The following RSU1 variants were observed in gnomAD, a reference collection of about 807,000 sequenced individuals.
RSU1 encodes the protein rsu-1.
A neutral mutation model predicts 31.1 loss-of-function variants in RSU1; 26 were observed. The observed-to-expected ratio is 0.84, with a 90% confidence interval of 0.61 to 1.16. RSU1 has a LOEUF of 1.16. Among genes scored for constraint, RSU1 ranks in the 50% most tolerant of loss-of-function variants. The pLI is 0.00. For missense variants in RSU1, 320 were observed against 339.1 expected, an observed-to-expected ratio of 0.94 and a Z score of 0.44; for synonymous variants, 164 against 136.3, an observed-to-expected ratio of 1.20 and a Z score of -1.41.
chr10:16,735,402 G>T lies in RSU1; in HGVS notation c.598+17137C>A, dbSNP rs571751068. ...ATAACCTCTGGCGGTTGTGTAAATG[G>T]GTAAGAAAAGAGCAGAAAAATAATT... On this transcript the variant is annotated intron_variant, in intron 7 of 8. Coordinates refer to ENST00000345264, the MANE Select transcript of RSU1 (RefSeq NM_012425.4). 4.6e-5 allele frequency among the ~76,000 whole-genome samples: 7 copies of T among 152,226 alleles called. No individual in the cohort carries two copies. In the South Asian group the frequency reaches 1.0e-3, roughly 23 times the overall value.
intron 7 of RSU1, among the ~76,000 whole-genome samples, chr10:16,746,895 A>C (rs1289864755): frequency 6.6e-6 from 1 of 152,148 alleles, no homozygotes; most frequent in African/African-American, 2.4e-5. Context: ...ATACTGGGCA[A>C]AAAGAGACTT....
intron 8 of RSU1, among the ~76,000 whole-genome samples, chr10:16,657,935 A>G (rs1834818621): frequency 6.6e-6 from 1 of 152,170 alleles, no homozygotes; most frequent in African/African-American, 2.4e-5. Flanking sequence ...GGTTGCAGTG[A>G]GCCAAGATCA....
At chr10:16,688,824 G>A (rs1395732214) in intron 8 of RSU1, among the ~76,000 whole-genome samples, 1 of 151,866 alleles carries the variant, frequency 6.6e-6, no homozygotes, top group Admixed American at 6.6e-5. Flanking sequence ...AACATAGCAA[G>A]ACCCCCAGTC....
intron 2 of RSU1, among the ~76,000 whole-genome samples, chr10:16,792,443 A>G (rs1343074522): frequency 6.6e-6 from 1 of 152,116 alleles, no homozygotes; most frequent in African/African-American, 2.4e-5. Flanking sequence ...ACGTCGGCCA[A>G]GCTGGTCTCG....
chr10:16,811,435 T>C (rs1838406787), intron 2 of RSU1, among the ~76,000 whole-genome samples: 1 of 152,190 alleles, frequency 6.6e-6, no homozygotes, highest in Non-Finnish European at 1.5e-5. Context: ...AATGACCCTA[T>C]GAGGTGCTCT....
intron 7 of RSU1, among the ~76,000 whole-genome samples, chr10:16,752,268 C>T (rs1191362132): frequency 6.6e-6 from 1 of 152,130 alleles, no homozygotes; most frequent in Non-Finnish European, 1.5e-5. Flanking sequence ...CATGCTTTTC[C>T]CACTACATCA....
Position 16,783,528 on chromosome 10 carries a change from G to A in RSU1, c.110-1444C>T, listed in dbSNP as rs553159283. Among the ~76,000 whole-genome samples the A allele has an allele frequency of 3.9e-5, 6 of 151,992 alleles. No individual in the cohort carries two copies. The East Asian group carries it at 7.8e-4, about 20-fold the overall frequency. The stretch of plus-strand genomic sequence containing the variant: ...GTGCCACCACGCCCAGCTAATTTGT[G>A]TATTTTTAGTACAGATGGGGTTTCA... On this transcript the variant is annotated intron_variant, in intron 2 of 8. Transcript: ENST00000345264.
At chr10:16,774,471 G>A (rs945242049) in intron 3 of RSU1, among the ~76,000 whole-genome samples, 4 of 152,182 alleles carry the variant, frequency 2.6e-5, no homozygotes, top group African/African-American at 9.6e-5. Context: ...TAGGGAGGCT[G>A]AGGCAGAAGA....
At chr10:16,706,657 T>C (rs1835910258) in intron 7 of RSU1, among the ~76,000 whole-genome samples, 1 of 152,214 alleles carries the variant, frequency 6.6e-6, no homozygotes, top group Admixed American at 6.5e-5. Flanking sequence ...TTGATACCTA[T>C]CTATGCTATA....
intron 2 of RSU1, among the ~76,000 whole-genome samples, chr10:16,807,851 G>A (rs565605784): frequency 4.6e-5 from 7 of 152,014 alleles, no homozygotes; most frequent in East Asian, 3.9e-4. Flanking sequence ...GTGAAATCCC[G>A]TCTCTACGAA....
intron 2 of RSU1, among the ~76,000 whole-genome samples, chr10:16,791,247 G>A (rs547415059): frequency 5.3e-5 from 8 of 152,122 alleles, no homozygotes; most frequent in African/African-American, 1.7e-4. Flanking sequence ...GGCTGGTCTC[G>A]AACTCCTGAC....
chr10:16,678,194 C>T lies in RSU1; in HGVS notation c.731+16829G>A, dbSNP rs2131545687. 1.3e-5 allele frequency among the ~76,000 whole-genome samples: 2 copies of T among 152,276 alleles called. 1 individual carries two copies. On this transcript the variant is annotated intron_variant, in intron 8 of 8. Coordinates refer to ENST00000345264, the MANE Select transcript of RSU1 (RefSeq NM_012425.4). ...ACAAAACAAACCCAACGTAGAAATC[C>T]ATTTTCTTGCTTTTTCTTTATTCTT... is the stretch of plus-strand genomic sequence containing the variant.
intron 2 of RSU1, among the ~76,000 whole-genome samples, chr10:16,785,950 C>T (rs370398858): frequency 1.3e-5 from 2 of 152,120 alleles, no homozygotes; most frequent in East Asian, 1.9e-4. Context: ...TTTTGGTCCC[C>T]GATCAAGGCA....
In RSU1 at chr10:16,593,491, T is replaced by C. The variant is rs1833549560; in HGVS notation, c.737A>G (p.Tyr246Cys). Residue 246 changes from tyrosine (Y) to cysteine (C), a missense_variant, in exon 9 of 9, where the codon TAC becomes TGC. Tyr to Cys is a radical substitution (Grantham distance 194). Coordinates refer to ENST00000345264, the MANE Select transcript of RSU1 (RefSeq NM_012425.4). ...YIRSETYKYL[Y>C]GRHMQANPEP... ...TGGGTTGGCCTGCATGTGTCTGCCG[T>C]AGAGGCTGCAAAGACAGAGAAAGGA... 1.9e-6 allele frequency: 3 copies of C among 1,612,772 alleles called. No individual in the cohort carries two copies. Among genetic ancestry groups the C allele is most frequent in the Admixed American group, 1.7e-5 (1 of 60,016 alleles).
chr10:16,590,657 G>T lies in RSU1; in HGVS notation c.*2737C>A, dbSNP rs1833490353. On this transcript the variant is annotated 3_prime_UTR_variant, in exon 9 of 9. Transcript: ENST00000345264. ...CATTTAATATTTTCTGATTACAAAA[G>T]TATATGTGTTCATTAGAAAAAATTT... 1 of 152,076 alleles carries T rather than the reference G, an allele frequency of 6.6e-6. No individual in the cohort carries two copies. The highest frequency in any genetic ancestry group is 2.4e-5 in the African/African-American group (1 of 41,398). The allele number at this position is 152,076 out of a possible 1,614,324, so 9.4% of individuals were successfully genotyped here.
intron 8 of RSU1, among the ~76,000 whole-genome samples, chr10:16,639,042 C>T (rs528139044): frequency 2.6e-5 from 4 of 152,254 alleles, no homozygotes; most frequent in African/African-American, 4.8e-5. Context: ...ACAGTTATTT[C>T]GTTGTGATCC....
chr10:16,699,557 C>T (rs1588722898), intron 7 of RSU1, among the ~76,000 whole-genome samples: 2 of 152,242 alleles, frequency 1.3e-5, no homozygotes, highest in Non-Finnish European at 2.9e-5. Flanking sequence ...ATCGCTCTGA[C>T]GCCACACGCT....
intron 8 of RSU1, among the ~76,000 whole-genome samples, chr10:16,640,999 C>A (rs1325868343): frequency 6.6e-6 from 1 of 152,202 alleles, no homozygotes; most frequent in South Asian, 2.1e-4. Context: ...ATTGTTCCCA[C>A]CATGGCCACC....
intron 8 of RSU1, among the ~76,000 whole-genome samples, chr10:16,693,651 A>C (rs1005192739): frequency 6.6e-6 from 1 of 151,974 alleles, no homozygotes; most frequent in Admixed American, 6.6e-5. Flanking sequence ...GCTTGACACC[A>C]GGAGTTTGAG....
Sources: gnomAD v4.1 joint callset for allele counts (sites outside exome capture counted in the v4.1 genomes callset) on GRCh38, gnomAD v4.1.1 for gene constraint, MANE v1.5 for transcripts, NCBI Gene and HGNC (gene_info 2026-07-23, HGNC 2026-07-21) for gene names.